NBEA: variants seen among roughly 807,000 people sequenced by gnomAD.
NBEA encodes lysosomal-trafficking regulator 2.
In NBEA, 44 loss-of-function variants were observed where a neutral mutation model predicts 343.4. That is an observed-to-expected ratio of 0.13 (90% CI 0.10 to 0.16). NBEA has a LOEUF of 0.16. NBEA is among the 10% of genes least tolerant of loss of function. The pLI is 1.00. For synonymous variants in NBEA, 1,175 were observed against 1,238.7 expected, an observed-to-expected ratio of 0.95 and a Z score of 1.08; for missense variants, 2,555 against 3,631.3, an observed-to-expected ratio of 0.70 and a Z score of 7.62.
intron 38 of NBEA, among the ~76,000 whole-genome samples, chr13:35,421,581 G>T (rs932520989): frequency 1.3e-5 from 2 of 152,062 alleles, no homozygotes; most frequent in African/African-American, 4.8e-5. Context: ...AGGAGGAAAA[G>T]GAAAGCCTAT....
At chr13:35,007,284 CCT>C (rs1247048407) in intron 1 of NBEA, among the ~76,000 whole-genome samples, 5 of 152,134 alleles carry the variant, frequency 3.3e-5, no homozygotes, top group Admixed American at 1.3e-4. Flanking sequence ...TTTTTTCCCC[CCT>C]CTGTTTTTAT....
chr13:35,526,301 T>A (rs895944145), intron 41 of NBEA, among the ~76,000 whole-genome samples: 1 of 152,190 alleles, frequency 6.6e-6, no homozygotes, highest in African/African-American at 2.4e-5. Flanking sequence ...CTTTAACATT[T>A]CATAAAATTT....
At chr13:34,991,664 TTTCAC>T (rs1480861345) in intron 1 of NBEA, among the ~76,000 whole-genome samples, 1 of 152,162 alleles carries the variant, frequency 6.6e-6, no homozygotes, top group Non-Finnish European at 1.5e-5. Flanking sequence ...GTACTATAAT[TTTCAC>T]TTCAAGCAGT....
intron 36 of NBEA, among the ~76,000 whole-genome samples, chr13:35,309,900 A>G (rs1445275850): frequency 1.3e-5 from 2 of 151,986 alleles, no homozygotes; most frequent in African/African-American, 4.8e-5. Context: ...CCCATCTGCC[A>G]CTCCATCTGT....
At chr13:35,051,148 G>A (rs139252113) in intron 6 of NBEA, among the ~76,000 whole-genome samples, 15 of 152,044 alleles carry the variant, frequency 9.9e-5, no homozygotes, top group African/African-American at 3.6e-4. Context: ...AAGAAAACCA[G>A]GACAGAGTGC....
At chr13:35,073,544 A>C (rs1319187817) in intron 10 of NBEA, among the ~76,000 whole-genome samples, 1 of 152,122 alleles carries the variant, frequency 6.6e-6, no homozygotes, top group Non-Finnish European at 1.5e-5. Flanking sequence ...GTACCTTTTA[A>C]TGAAACTTTT....
intron 1 of NBEA, among the ~76,000 whole-genome samples, chr13:34,993,306 G>A (rs113115585): frequency 0.015 from 2,348 of 151,926 alleles, 62 homozygotes; most frequent in African/African-American, 0.054. Context: ...TAGCATCCTC[G>A]TTTTCTCTTT....
chr13:35,118,439 AATG>A lies in NBEA; in HGVS notation c.2211_2213del (p.Met737del), dbSNP rs2066617289. 6.2e-7 allele frequency: 1 copy of A among 1,605,730 alleles called. No homozygotes were observed. Among genetic ancestry groups the A allele is most frequent in the Non-Finnish European group, 8.5e-7 (1 of 1,176,424 alleles). On this transcript the variant is annotated inframe_deletion, in exon 16 of 59. Transcript: ENST00000379939. Reference sequence around the variant, plus strand: ...CTTTAATGTCGGAACACCCAGCCTCAATGATACCAGCATTTGATCAAAGAAATG... The same window carrying A: ...CTTTAATGTCGGAACACCCAGCCTCAATACCAGCATTTGATCAAAGAAATG...
rs564013274 is a variant in NBEA, at chr13:35,125,417, A to T, written c.2336+1843A>T. On this transcript the variant is annotated intron_variant, in intron 17 of 58. Coordinates refer to ENST00000379939, the MANE Select transcript of NBEA (RefSeq NM_001385012.1). The stretch of plus-strand genomic sequence containing the variant: ...AAAAATAGATCATTTGTTTGAAATA[A>T]TAGATATACATATATCATGCCTGAT... 3.3e-5 allele frequency among the ~76,000 whole-genome samples: 5 copies of T among 152,354 alleles called. No individual in the cohort carries two copies. In the East Asian group the frequency reaches 9.6e-4, roughly 29 times the overall value.
chr13:35,284,206 G>T (rs2035265604), intron 34 of NBEA, among the ~76,000 whole-genome samples: 1 of 152,104 alleles, frequency 6.6e-6, no homozygotes, highest in South Asian at 2.1e-4. Flanking sequence ...GAAAAAGTTT[G>T]CTGCCCCCTA....
intron 11 of NBEA, among the ~76,000 whole-genome samples, chr13:35,103,098 A>G (rs968004367): frequency 6.6e-6 from 1 of 151,764 alleles, no homozygotes; most frequent in African/African-American, 2.4e-5. Context: ...TTTATATAAC[A>G]TCTTTTCTGT....
intron 47 of NBEA, among the ~76,000 whole-genome samples, chr13:35,601,720 C>G (rs1464879266): frequency 7.5e-6 from 1 of 133,198 alleles, no homozygotes; most frequent in Non-Finnish European, 1.5e-5. Flanking sequence ...TGAGATCATG[C>G]CATTGGACTC....
intron 43 of NBEA, among the ~76,000 whole-genome samples, chr13:35,553,650 T>C (rs2079448683): frequency 6.6e-6 from 1 of 152,182 alleles, no homozygotes; most frequent in South Asian, 2.1e-4. Flanking sequence ...TTGTGCTATG[T>C]ACAAGACAAT....
At chr13:35,371,332 T>A (rs1002522956) in intron 38 of NBEA, among the ~76,000 whole-genome samples, 2 of 152,138 alleles carry the variant, frequency 1.3e-5, no homozygotes, top group East Asian at 3.9e-4. Context: ...ATTTTCTTAC[T>A]GGGTTATTTC....
At chr13:35,401,257 G>C (rs190349779) in intron 38 of NBEA, among the ~76,000 whole-genome samples, 73 of 152,048 alleles carry the variant, frequency 4.8e-4, no homozygotes, top group South Asian at 2.1e-3. Context: ...TGATAAGACA[G>C]AAAAGACATC....
chr13:35,051,879 G>A (rs969312549), intron 6 of NBEA, among the ~76,000 whole-genome samples: 2 of 152,000 alleles, frequency 1.3e-5, no homozygotes, highest in African/African-American at 4.8e-5. Context: ...GGAAATGGTG[G>A]TTTAAAGAAT....
At chr13:35,100,537 A>C (rs1009680598) in intron 11 of NBEA, among the ~76,000 whole-genome samples, 3 of 152,024 alleles carry the variant, frequency 2.0e-5, no homozygotes, top group African/African-American at 7.2e-5. Flanking sequence ...TGTGTGTGAC[A>C]GGATTTCTGT....
intron 10 of NBEA, among the ~76,000 whole-genome samples, chr13:35,085,312 A>G (rs976001134): frequency 1.3e-5 from 2 of 152,122 alleles, no homozygotes; most frequent in Non-Finnish European, 2.9e-5. Flanking sequence ...ATCCCTGATG[A>G]ACATCGATGC....
intron 41 of NBEA, among the ~76,000 whole-genome samples, chr13:35,535,319 T>C (rs1204891460): frequency 1.3e-5 from 2 of 152,220 alleles, no homozygotes; most frequent in Non-Finnish European, 2.9e-5. Flanking sequence ...TAGTTTTGTT[T>C]TGTTTTGTTT....
Sources: allele counts gnomAD v4.1 joint callset (sites outside exome capture counted in the v4.1 genomes callset), GRCh38; gene constraint gnomAD v4.1.1; transcripts MANE v1.5; gene names NCBI Gene and HGNC (gene_info 2026-07-23, HGNC 2026-07-21).